The following CEP63 variants were observed in gnomAD, a reference collection of about 807,000 sequenced individuals.
CEP63 encodes the protein centrosomal protein 63, also known as centrosomal protein of 63 kDa.
In CEP63, 84 loss-of-function variants were observed where a neutral mutation model predicts 89.1. The ratio of observed to expected loss-of-function variants is 0.94; its 90% confidence interval spans 0.79 to 1.13. CEP63 has a LOEUF of 1.13. Ranked by LOEUF, CEP63 falls within the 50% of genes most tolerant of loss-of-function variation. The probability of loss-of-function intolerance (pLI) is 0.00; values close to 1 mark genes in which losing one functional copy is unlikely to be tolerated. For missense variants in CEP63, 838 were observed against 813.3 expected, an observed-to-expected ratio of 1.03 and a Z score of -0.37; for synonymous variants, 267 against 272.5, an observed-to-expected ratio of 0.98 and a Z score of 0.20.
the CEP63 span, among the ~76,000 whole-genome samples, chr3:134,601,741 G>A: frequency 1.3e-5 from 2 of 152,230 alleles, no homozygotes; most frequent in Non-Finnish European, 2.9e-5. Flanking sequence ...CGAGGCCGCC[G>A]GCCTGTTGGA....
At chr3:134,760,758 G>T in the CEP63 span, among the ~76,000 whole-genome samples, 1,319 of 152,228 alleles carry the variant, frequency 8.7e-3, 23 homozygotes, top group African/African-American at 0.029. Flanking sequence ...GCTCTTGGCT[G>T]GAGAGAAGCT....
chr3:134,714,096 G>A, the CEP63 span, among the ~76,000 whole-genome samples: 3 of 152,176 alleles, frequency 2.0e-5, no homozygotes, highest in Admixed American at 1.3e-4. Context: ...ATTTGAAATA[G>A]CACCAAGCTG....
the CEP63 span, among the ~76,000 whole-genome samples, chr3:134,701,496 A>T: frequency 1.1e-4 from 17 of 149,442 alleles, no homozygotes; most frequent in Admixed American, 1.1e-3. Flanking sequence ...ATACATACAC[A>T]TTATATATAT....
At chr3:134,662,283 GAA>G in the CEP63 span, among the ~76,000 whole-genome samples, 2 of 146,078 alleles carry the variant, frequency 1.4e-5, no homozygotes, top group Non-Finnish European at 3.0e-5. Context: ...TCTCAAAAAA[GAA>G]AAAAAAAAAA....
At chr3:134,557,376 GTTTT>G (rs199930556) in intron 12 of CEP63, among the ~76,000 whole-genome samples, 38,534 of 102,482 alleles carry the variant, frequency 0.38, 7,356 homozygotes, top group East Asian at 0.67. Flanking sequence ...TTCATAATTT[GTTTT>G]TTTTTTTTTT....
At chr3:134,521,599 A>G (rs1023406276) in intron 3 of CEP63, among the ~76,000 whole-genome samples, 6 of 152,130 alleles carry the variant, frequency 3.9e-5, no homozygotes, top group Non-Finnish European at 5.9e-5. Context: ...TTATATTAAT[A>G]TATTCTGTTT....
At chr3:134,592,717 TG>T (rs1337842061), downstream of CEP63, among the ~76,000 whole-genome samples, 1 of 152,158 alleles carries the variant, frequency 6.6e-6, no homozygotes, top group East Asian at 1.9e-4. Flanking sequence ...GGGTTTGAGG[TG>T]GTCTCACCAT....
downstream of CEP63, among the ~76,000 whole-genome samples, chr3:134,590,116 C>T (rs1007949042): frequency 2.6e-5 from 4 of 152,002 alleles, no homozygotes; most frequent in Non-Finnish European, 4.4e-5. Flanking sequence ...GGGTGAGGAT[C>T]GAAACACCTA....
At chr3:134,523,252 TG>T (rs1303065056) in intron 3 of CEP63, among the ~76,000 whole-genome samples, 1 of 152,210 alleles carries the variant, frequency 6.6e-6, no homozygotes, top group African/African-American at 2.4e-5. Flanking sequence ...TGGGGTGGTT[TG>T]TTTTTTTCTT....
At chr3:134,486,353 G>T in intron 1 of CEP63, 151 bp downstream of exon 1, 3 of 985,640 alleles carry the variant, frequency 3.0e-6, no homozygotes, top group Non-Finnish European at 3.6e-6. Context: ...GCTTGCGGCC[G>T]GTTTGCGCAA....
At chr3:134,693,225 A>G in the CEP63 span, among the ~76,000 whole-genome samples, 1 of 152,212 alleles carries the variant, frequency 6.6e-6, no homozygotes, top group African/African-American at 2.4e-5. Context: ...AATAGAATGC[A>G]TTCATAGCAC....
At chr3:134,758,616 T>C in the CEP63 span, among the ~76,000 whole-genome samples, 26 of 152,296 alleles carry the variant, frequency 1.7e-4, no homozygotes, top group Non-Finnish European at 3.1e-4. Flanking sequence ...ATTTATTGAT[T>C]ATCTCCTGAT....
At chr3:134,770,758 CCTT>C in the CEP63 span, among the ~76,000 whole-genome samples, 2 of 152,244 alleles carry the variant, frequency 1.3e-5, no homozygotes, top group South Asian at 4.1e-4. Context: ...TGAGATTCCA[CCTT>C]CTTCTTGTCA....
chr3:134,571,680 C>T (rs1958017133), intron 11 of CEP63, among the ~76,000 whole-genome samples: 1 of 151,658 alleles, frequency 6.6e-6, no homozygotes, highest in South Asian at 2.1e-4. Context: ...GACTCTGTCT[C>T]AACAACAACA....
At chr3:134,612,356 G>A in the CEP63 span, among the ~76,000 whole-genome samples, 3 of 152,350 alleles carry the variant, frequency 2.0e-5, no homozygotes, top group African/African-American at 7.2e-5. Context: ...AGTAGCTGAG[G>A]AGACCGTGGA....
rs1957537378 is a variant in CEP63, at chr3:134,563,589, AT to A, written c.*2059del. 1 of 152,040 alleles carries A rather than the reference AT, an allele frequency of 6.6e-6. No homozygotes were observed. Among genetic ancestry groups the A allele is most frequent in the African/African-American group, 2.4e-5 (1 of 41,382 alleles). 9.4% of individuals were successfully genotyped at this position (152,040 alleles called of 1,614,324 possible). A position where few individuals can be genotyped will look rare whatever the true frequency, so the allele number is the denominator to read the frequency against. On this transcript the variant is annotated 3_prime_UTR_variant, in exon 15 of 15. Coordinates refer to ENST00000675561, the MANE Select transcript of CEP63 (RefSeq NM_001353108.3). ...AGGCGCATGCCACCAGGCCCAGCTA[AT>A]TTTTGTATTTTTAGTAGGAACAGGG...
At chr3:134,669,268 T>C in the CEP63 span, among the ~76,000 whole-genome samples, 6 of 152,182 alleles carry the variant, frequency 3.9e-5, no homozygotes, top group African/African-American at 1.4e-4. Flanking sequence ...GCTCAAGTGA[T>C]CTGCCCACCT....
At chr3:134,614,223 A>G in the CEP63 span, among the ~76,000 whole-genome samples, 2 of 152,128 alleles carry the variant, frequency 1.3e-5, no homozygotes, top group Non-Finnish European at 2.9e-5. Context: ...GAGGACTAGA[A>G]ACATTTCCAC....
intron 1 of CEP63, among the ~76,000 whole-genome samples, chr3:134,492,307 A>T (rs905203464): frequency 6.6e-6 from 1 of 152,164 alleles, no homozygotes; most frequent in Non-Finnish European, 1.5e-5. Flanking sequence ...TTATGTAATT[A>T]TATGGCACAT....
Sources: gnomAD v4.1 joint callset for allele counts (sites outside exome capture counted in the v4.1 genomes callset) on GRCh38, gnomAD v4.1.1 for gene constraint, MANE v1.5 for transcripts, NCBI Gene and HGNC (gene_info 2026-07-23, HGNC 2026-07-21) for gene names.